COP1: variants seen among roughly 807,000 people sequenced by gnomAD.
COP1 encodes the protein COP1 E3 ubiquitin ligase, also known as E3 ubiquitin-protein ligase COP1.
A neutral mutation model predicts 101.3 loss-of-function variants in COP1; 24 were observed. That is an observed-to-expected ratio of 0.24 (90% confidence interval 0.17 to 0.33). COP1 has a LOEUF of 0.33. Among genes scored for constraint, COP1 ranks in the 10% least tolerant of loss-of-function variants. COP1 has a pLI of 1.00. For synonymous variants in COP1, 347 were observed against 341.9 expected, an observed-to-expected ratio of 1.01 and a Z score of -0.17; for missense variants, 663 against 906.2, an observed-to-expected ratio of 0.73 and a Z score of 3.45.
At chr1:176,093,229 C>G (rs1558092809) in intron 9 of COP1, among the ~76,000 whole-genome samples, 1 of 152,098 alleles carries the variant, frequency 6.6e-6, no homozygotes, top group African/African-American at 2.4e-5. Flanking sequence ...TGGTTAGGAA[C>G]ACATGAGTAA....
At chr1:176,008,134 GACTCGGAAAGGGA>G (rs1318311766) in intron 15 of COP1, among the ~76,000 whole-genome samples, 1 of 152,206 alleles carries the variant, frequency 6.6e-6, no homozygotes, top group Non-Finnish European at 1.5e-5. Flanking sequence ...CCCTTTCTTT[GACTCGGAAAGGGA>G]ACTCCCTGAC....
intron 18 of COP1, among the ~76,000 whole-genome samples, chr1:175,980,430 TA>T (rs1655563846): frequency 6.6e-6 from 1 of 152,158 alleles, no homozygotes; most frequent in Non-Finnish European, 1.5e-5. Flanking sequence ...AAAGTTTTGT[TA>T]GAAATTAGAG....
intron 11 of COP1, among the ~76,000 whole-genome samples, chr1:176,049,352 T>C (rs1272893505): frequency 6.6e-6 from 1 of 152,164 alleles, no homozygotes; most frequent in Non-Finnish European, 1.5e-5. Context: ...CTTTTTGTTT[T>C]GATTTCATTG....
rs535874050 is a variant in COP1, at chr1:176,081,145, T to C, written c.1277+7A>G. 4 of 1,591,302 alleles carry C rather than the reference T, an allele frequency of 2.5e-6. No individual in the cohort carries two copies. In the Admixed American group the frequency reaches 5.3e-5, roughly 21 times the overall value. Reference sequence around the variant, plus strand: ...CAAAAGAAAATAGTAATTTGACCAATACTTACCTAGAGACTATACTGGAAC... The same window carrying C: ...CAAAAGAAAATAGTAATTTGACCAACACTTACCTAGAGACTATACTGGAAC... On this transcript the variant is annotated splice_region_variant and intron_variant, in intron 11 of 19. Coordinates refer to ENST00000367669, the MANE Select transcript of COP1 (RefSeq NM_022457.7).
At chr1:176,168,120 C>T (rs1030783543) in intron 3 of COP1, among the ~76,000 whole-genome samples, 1 of 151,266 alleles carries the variant, frequency 6.6e-6, no homozygotes, top group Non-Finnish European at 1.5e-5. Flanking sequence ...TGCAATGGTG[C>T]GATCTCGGCT....
intron 18 of COP1, among the ~76,000 whole-genome samples, chr1:175,956,432 A>G (rs1306142135): frequency 6.6e-6 from 1 of 152,154 alleles, no homozygotes; most frequent in Non-Finnish European, 1.5e-5. Context: ...AAGAAAAAAA[A>G]TCAGAGAAAA....
intron 8 of COP1, among the ~76,000 whole-genome samples, chr1:176,133,630 G>A (rs1296344950): frequency 6.6e-6 from 1 of 151,696 alleles, no homozygotes; most frequent in African/African-American, 2.4e-5. Flanking sequence ...GCACATCAGA[G>A]GCATTCAATA....
intron 1 of COP1, among the ~76,000 whole-genome samples, chr1:176,189,228 ACTGT>A (rs1698827614): frequency 6.6e-6 from 1 of 152,114 alleles, no homozygotes; most frequent in Non-Finnish European, 1.5e-5. Flanking sequence ...TGGAGCAGGC[ACTGT>A]CTAATTGAGA....
intron 3 of COP1, among the ~76,000 whole-genome samples, chr1:176,171,124 CAAAAAAAAAAAAAA>C (rs1174700907): frequency 1.8e-4 from 10 of 56,848 alleles, no homozygotes; most frequent in Non-Finnish European, 2.9e-4. Context: ...GACTCCATCT[CAAAAAAAAAAAAAA>C]AAAAAAAAAA....
intron 7 of COP1, among the ~76,000 whole-genome samples, chr1:176,135,348 C>T (rs1689633695): frequency 6.6e-6 from 1 of 151,858 alleles, no homozygotes; most frequent in East Asian, 1.9e-4. Context: ...AATGAAGCCA[C>T]CACATGCAAA....
chr1:176,046,113 C>T, intron 12 of COP1, 68 bp downstream of exon 12: 1 of 1,277,540 alleles, frequency 7.8e-7, no homozygotes, highest in South Asian at 1.4e-5. Context: ...GTAAAATAAT[C>T]TCATGATAAT....
chr1:176,188,742 T>C (rs1698768513), intron 1 of COP1, among the ~76,000 whole-genome samples: 1 of 152,082 alleles, frequency 6.6e-6, no homozygotes. Context: ...CAAACCTCAC[T>C]GTGTTCTTAC....
At chr1:176,183,566 C>T (rs1572732848) in intron 2 of COP1, among the ~76,000 whole-genome samples, 1 of 152,028 alleles carries the variant, frequency 6.6e-6, no homozygotes, top group East Asian at 1.9e-4. Context: ...AAATTACAAA[C>T]AAAATTACCA....
chr1:176,006,480 C>G (rs1261928810), intron 15 of COP1, among the ~76,000 whole-genome samples: 1 of 152,162 alleles, frequency 6.6e-6, no homozygotes, highest in African/African-American at 2.4e-5. Flanking sequence ...TTTGCAGTGG[C>G]TGGTATGGGT....
At chr1:175,994,810 G>A (rs551177521) in intron 15 of COP1, among the ~76,000 whole-genome samples, 3 of 151,888 alleles carry the variant, frequency 2.0e-5, no homozygotes, top group African/African-American at 4.8e-5. Flanking sequence ...ACTTTAACAC[G>A]CCACTGTCAA....
intron 11 of COP1, among the ~76,000 whole-genome samples, chr1:176,048,308 C>T (rs1254602505): frequency 6.8e-6 from 1 of 147,398 alleles, no homozygotes; most frequent in African/African-American, 2.5e-5. Context: ...GCTGGGATTA[C>T]AGATTTCAGG....
intron 14 of COP1, among the ~76,000 whole-genome samples, chr1:176,031,875 T>C (rs1668701635): frequency 1.3e-5 from 2 of 152,182 alleles, no homozygotes; most frequent in Non-Finnish European, 2.9e-5. Flanking sequence ...TCTGTAAAAT[T>C]TGAGTGAATC....
At chr1:176,006,883 T>G (rs1663382187) in intron 15 of COP1, among the ~76,000 whole-genome samples, 1 of 152,016 alleles carries the variant, frequency 6.6e-6, no homozygotes, top group Admixed American at 6.6e-5. Context: ...TTCCTGAATC[T>G]GAACGTTGGC....
intron 9 of COP1, among the ~76,000 whole-genome samples, chr1:176,089,167 G>A (rs2481642): frequency 0.68 from 103,018 of 151,478 alleles, 36,552 homozygotes; most frequent in East Asian, 0.92. Flanking sequence ...CGGGCACAGT[G>A]GCAGGACCCC....
Sources: allele counts gnomAD v4.1 joint callset (sites outside exome capture counted in the v4.1 genomes callset), GRCh38; gene constraint gnomAD v4.1.1; transcripts MANE v1.5; gene names NCBI Gene and HGNC (gene_info 2026-07-23, HGNC 2026-07-21).